The following ADGRG6 variants were observed in gnomAD, a reference collection of about 807,000 sequenced individuals.
ADGRG6 encodes the protein adhesion G protein-coupled receptor G6.
In ADGRG6, 84 loss-of-function variants were observed where a neutral mutation model predicts 142.4. The ratio of observed to expected loss-of-function variants is 0.59; its 90% CI spans 0.49 to 0.71. The LOEUF (loss-of-function observed/expected upper bound fraction) is 0.71, where lower values mean the gene tolerates loss of function less well. Among genes scored for constraint, ADGRG6 ranks in the 30% least tolerant of loss-of-function variants. The pLI, the probability that ADGRG6 is intolerant of heterozygous loss-of-function variation, is 0.00. For synonymous variants in ADGRG6, 521 were observed against 520.5 expected (o/e 1.00, Z -0.01); for missense variants, 1,367 against 1,466.6 (o/e 0.93, Z 1.11).
At chr6:142,340,426 A>G (rs1451340577) in intron 2 of ADGRG6, among the ~76,000 whole-genome samples, 1 of 152,080 alleles carries the variant, frequency 6.6e-6, no homozygotes, top group Non-Finnish European at 1.5e-5. Context: ...AATTTAGCTC[A>G]CTATATAAGG....
At position 142,416,026 on chromosome 6, in the gene ADGRG6, T is replaced by C. The variant is rs772581036; in HGVS notation, c.2900T>C (p.Ile967Thr). The C allele has an allele frequency of 6.2e-7, 1 of 1,612,868 alleles. No individual in the cohort carries two copies. ...CTAGTTAAAGTATTTAACACTTACATTCGCCGATACATTCTAAAATTCTGC... is the reference window on the plus strand; with the variant it reads ...CTAGTTAAAGTATTTAACACTTACACTCGCCGATACATTCTAAAATTCTGC... ...IALVKVFNTY[I>T]RRYILKFCII... The change falls in exon 20 of 25, where the codon ATT becomes ACT. Residue 967 changes from isoleucine (I) to threonine (T), a missense_variant. This residue lies in a region of ADGRG6 where 344 missense variants were observed against 348.7 expected (regional missense o/e 0.99). Transcript: ENST00000367609.
chr6:142,345,315 A>G (rs186386721), intron 2 of ADGRG6, among the ~76,000 whole-genome samples: 7 of 152,184 alleles, frequency 4.6e-5, no homozygotes, highest in Admixed American at 4.6e-4. Flanking sequence ...ATATCGTAAT[A>G]TCTTTGGCAG....
chr6:142,364,083 A>G (rs933603980), intron 2 of ADGRG6, among the ~76,000 whole-genome samples: 24 of 151,904 alleles, frequency 1.6e-4, no homozygotes, highest in African/African-American at 5.3e-4. Context: ...GCTACTATCA[A>G]TTAGATGTGT....
chr6:142,376,196 C>A (rs1041151666), intron 4 of ADGRG6, among the ~76,000 whole-genome samples: 1 of 152,092 alleles, frequency 6.6e-6, no homozygotes, highest in African/African-American at 2.4e-5. Context: ...TATTTATTTG[C>A]CTGTGTAATG....
At position 142,409,875 on chromosome 6, in the gene ADGRG6, A is replaced by G; in HGVS notation, c.2390A>G (p.Glu797Gly). Residue 797 changes from glutamate (E) to glycine (G), a missense_variant and splice_region_variant, in exon 17 of 25, where the codon GAA becomes GGA. Transcript: ENST00000367609. Reference sequence around the variant, plus strand: ...ATGTTTATTCTTATGTTAATATAGGAAGTGCATCATCCCATCTGTGCCTTC... The same window carrying G: ...ATGTTTATTCTTATGTTAATATAGGGAGTGCATCATCCCATCTGTGCCTTC... ...QIKIKHTRTQ[E>G]VHHPICAFWD... 1 of 1,432,032 alleles carries G rather than the reference A, an allele frequency of 7.0e-7. No homozygotes were observed. Among genetic ancestry groups the G allele is most frequent in the Non-Finnish European group, 9.7e-7 (1 of 1,032,120 alleles). The allele number at this position is 1,432,032 out of a possible 1,614,324, so 88.7% of individuals were successfully genotyped here.
intron 2 of ADGRG6, among the ~76,000 whole-genome samples, chr6:142,365,906 C>T (rs1171322525): frequency 1.3e-5 from 2 of 152,118 alleles, no homozygotes; most frequent in African/African-American, 4.8e-5. Context: ...TATATGCATT[C>T]TAGTCAACTC....
chr6:142,340,657 C>G (rs1779575325), intron 2 of ADGRG6, among the ~76,000 whole-genome samples: 1 of 152,018 alleles, frequency 6.6e-6, no homozygotes, highest in South Asian at 2.1e-4. Flanking sequence ...TTTCTGAAGT[C>G]CTTTGAATAG....
chr6:142,343,688 A>T (rs187757880), intron 2 of ADGRG6, among the ~76,000 whole-genome samples: 1 of 152,096 alleles, frequency 6.6e-6, no homozygotes, highest in Non-Finnish European at 1.5e-5. Context: ...AAATTGAAAA[A>T]TAGATTTAAT....
Position 142,334,242 on chromosome 6 carries a change from A to G in ADGRG6, c.103+24598A>G, listed in dbSNP as rs186285718. On this transcript the variant is annotated intron_variant, in intron 2 of 24. Coordinates refer to ENST00000367609, the MANE Select transcript of ADGRG6 (RefSeq NM_198569.3). ...GAAGCTAAGAAGAATAACATTTCAC[A>G]TAAAAAGCAGGGAATCAAAAACAGT... 2.9e-3 allele frequency among the ~76,000 whole-genome samples: 443 copies of G among 152,342 alleles called. 3 individuals carry two copies. The highest frequency in any genetic ancestry group is 5.2e-3 in the Admixed American group (80 of 15,308).
chr6:142,393,043 A>C (rs751078968), intron 8 of ADGRG6, 43 bp downstream of exon 8: 1 of 1,032,956 alleles, frequency 9.7e-7, no homozygotes, highest in Admixed American at 1.8e-5. Context: ...AGTAGTGTCT[A>C]ATTTAATGCT....
chr6:142,366,195 G>A (rs1046134709), intron 2 of ADGRG6, among the ~76,000 whole-genome samples: 2 of 152,142 alleles, frequency 1.3e-5, no homozygotes, highest in Non-Finnish European at 2.9e-5. Context: ...GTGAAAATGG[G>A]ATAATAGCAT....
chr6:142,430,059 A>G (rs1031339906), intron 22 of ADGRG6, among the ~76,000 whole-genome samples: 6 of 152,088 alleles, frequency 3.9e-5, no homozygotes, highest in Non-Finnish European at 7.4e-5. Flanking sequence ...TCAGGGGAAA[A>G]AAAAGAAAAA....
chr6:142,398,373 C>A (rs1775312498), intron 10 of ADGRG6, among the ~76,000 whole-genome samples: 1 of 152,110 alleles, frequency 6.6e-6, no homozygotes, highest in Non-Finnish European at 1.5e-5. Flanking sequence ...TGCAGTGAGC[C>A]ATGTTCATGC....
At chr6:142,332,403 A>T (rs1297095702) in intron 2 of ADGRG6, among the ~76,000 whole-genome samples, 1 of 152,128 alleles carries the variant, frequency 6.6e-6, no homozygotes, top group Non-Finnish European at 1.5e-5. Context: ...TTTAATTATT[A>T]AAGTAAATTT....
At position 142,415,948 on chromosome 6, in the gene ADGRG6, T is replaced by C. The variant is rs1416193689; in HGVS notation, c.2822T>C (p.Leu941Pro). The C allele has an allele frequency of 1.2e-6, 2 of 1,613,554 alleles. No homozygotes were observed. The highest frequency in any genetic ancestry group is 1.7e-6 in the Non-Finnish European group (2 of 1,179,686). The change falls in exon 20 of 25, where the codon CTT becomes CCT. Residue 941 changes from leucine (L) to proline (P), a missense_variant. Around this residue, in one of 3 missense-constraint regions of ADGRG6, gnomAD observed 286 missense variants for 371.4 expected, o/e 0.77. Transcript: ENST00000367609. Reference sequence around the variant, plus strand: ...GTTGCAGTCCTGTTGCATTTCTTCCTTCTGGCAACCTTTACCTGGATGGGG... The same window carrying C: ...GTTGCAGTCCTGTTGCATTTCTTCCCTCTGGCAACCTTTACCTGGATGGGG... ...IAVAVLLHFF[L>P]LATFTWMGLE... is the part of the protein sequence containing the mutation.
chr6:142,389,825 A>G (rs1013340602), intron 6 of ADGRG6, among the ~76,000 whole-genome samples: 5 of 151,864 alleles, frequency 3.3e-5, no homozygotes, highest in African/African-American at 1.2e-4. Flanking sequence ...TGCTTTTTCA[A>G]GTTAATTCCT....
At chr6:142,354,338 G>A (rs1358111476) in intron 2 of ADGRG6, among the ~76,000 whole-genome samples, 2 of 152,118 alleles carry the variant, frequency 1.3e-5, no homozygotes, top group Admixed American at 6.5e-5. Flanking sequence ...AACTGAGATC[G>A]TGCCATTGCG....
intron 22 of ADGRG6, among the ~76,000 whole-genome samples, chr6:142,427,935 G>A (rs892361034): frequency 6.6e-6 from 1 of 152,168 alleles, no homozygotes; most frequent in African/African-American, 2.4e-5. Flanking sequence ...TCCTCTCACG[G>A]TGTGTGAGAA....
Position 142,398,706 on chromosome 6 carries a change from A to C in ADGRG6, c.1567+951A>C, listed in dbSNP as rs1478132646. On this transcript the variant is annotated intron_variant, in intron 10 of 24. Coordinates refer to ENST00000367609, the MANE Select transcript of ADGRG6 (RefSeq NM_198569.3). ...CCTCATTATCACCTATGTATTTTTA[A>C]AGACAGCTCCTAAGTCAGCTCTTCT... is the stretch of plus-strand genomic sequence containing the variant. Among the ~76,000 whole-genome samples the C allele has an allele frequency of 3.3e-5, 5 of 152,106 alleles. 1 individual carries two copies. The highest frequency in any genetic ancestry group is 7.4e-5 in the Non-Finnish European group (5 of 68,014).
Sources: allele counts gnomAD v4.1 joint callset (sites outside exome capture counted in the v4.1 genomes callset), GRCh38; gene constraint gnomAD v4.1.1; regional missense constraint gnomAD v4.1.1; transcripts MANE v1.5; gene names NCBI Gene and HGNC (gene_info 2026-07-23, HGNC 2026-07-21).